The following OPCML variants were observed in gnomAD, a reference collection of about 807,000 sequenced individuals.
OPCML encodes the protein opioid-binding protein/cell adhesion molecule.
OPCML carries 13 observed loss-of-function variants against 37.8 expected under a neutral mutation model. The ratio of observed to expected loss-of-function variants is 0.34; its 90% confidence interval spans 0.22 to 0.55. The LOEUF is 0.55. OPCML is among the 20% of genes least tolerant of loss of function. The probability of loss-of-function intolerance (pLI) is 0.91; values close to 1 mark genes in which losing one functional copy is unlikely to be tolerated. For synonymous variants in OPCML, 176 were observed against 168.8 expected, an observed-to-expected ratio of 1.04 and a Z score of -0.33; for missense variants, 341 against 435.6, an observed-to-expected ratio of 0.78 and a Z score of 1.93.
intron 1 of OPCML, among the ~76,000 whole-genome samples, chr11:133,106,443 G>T (rs1287122706): frequency 3.9e-5 from 6 of 152,232 alleles, no homozygotes; most frequent in Non-Finnish European, 2.9e-5. Flanking sequence ...TTTATCAAAT[G>T]CCTTAGATGG....
intron 3 of OPCML, among the ~76,000 whole-genome samples, chr11:132,644,560 TTCTAAA>T (rs1260060819): frequency 6.6e-6 from 1 of 152,176 alleles, no homozygotes; most frequent in African/African-American, 2.4e-5. Flanking sequence ...CGATATCATC[TTCTAAA>T]GCTGTTTATG....
chr11:132,712,820 A>G (rs1044043830), intron 2 of OPCML, among the ~76,000 whole-genome samples: 15 of 152,202 alleles, frequency 9.9e-5, no homozygotes, highest in Non-Finnish European at 1.6e-4. Flanking sequence ...AGGAGAGGGG[A>G]AATGACATGC....
Position 133,286,322 on chromosome 11 carries a change from A to T in OPCML, c.61+245942T>A, listed in dbSNP as rs555427780. Among the ~76,000 whole-genome samples the T allele has an allele frequency of 8.0e-3, 1,207 of 151,610 alleles. 8 individuals are homozygous for T. The highest frequency in any genetic ancestry group is 0.015 in the African/African-American group (634 of 41,370). On this transcript the variant is annotated intron_variant, in intron 1 of 7. Transcript: ENST00000524381. ...AATAAATAAATAAATAAAAATAAAT[A>T]AGCCGGGCGTGGTGGCGGGCGCCTA...
rs78025820 is a variant in OPCML, at chr11:132,581,386, A to T, written c.380-52200T>A. 3.3e-3 allele frequency among the ~76,000 whole-genome samples: 498 copies of T among 152,344 alleles called. 2 individuals are homozygous for T. Among genetic ancestry groups the T allele is most frequent in the African/African-American group, 0.011 (463 of 41,580 alleles). ...TGCAAAGGACCTAGTCAGGTTCTAT[A>T]GGTGTCAGGCTAACTGCTCTCCTAT... On this transcript the variant is annotated intron_variant, in intron 3 of 7. Coordinates refer to ENST00000524381, the MANE Select transcript of OPCML (RefSeq NM_001012393.5).
At chr11:132,917,479 C>G (rs1944646104) in intron 2 of OPCML, among the ~76,000 whole-genome samples, 1 of 152,220 alleles carries the variant, frequency 6.6e-6, no homozygotes, top group Non-Finnish European at 1.5e-5. Context: ...GGGATTCTTT[C>G]AGGCCCTGAA....
At position 132,724,606 on chromosome 11, in the gene OPCML, C is replaced by T. The variant is rs190530285; in HGVS notation, c.147-67287G>A. Among the ~76,000 whole-genome samples, 9 of 152,286 alleles carry T rather than the reference C, an allele frequency of 5.9e-5. No individual in the cohort carries two copies. In the East Asian group the frequency reaches 7.7e-4, roughly 13 times the overall value. On this transcript the variant is annotated intron_variant, in intron 2 of 7. Coordinates refer to ENST00000524381, the MANE Select transcript of OPCML (RefSeq NM_001012393.5). ...CACATTTCAAAACCAATCATGCCTT[C>T]CCAAGAGTTTCTCAAAGTCTTAACC...
chr11:133,318,986 C>T (rs1943268758), intron 1 of OPCML, among the ~76,000 whole-genome samples: 1 of 150,828 alleles, frequency 6.6e-6, no homozygotes, highest in Admixed American at 6.6e-5. Flanking sequence ...GAGATCACAC[C>T]ACTGCACTCC....
chr11:132,701,532 GT>G (rs1309256951), intron 2 of OPCML, among the ~76,000 whole-genome samples: 3 of 152,078 alleles, frequency 2.0e-5, no homozygotes, highest in Non-Finnish European at 2.9e-5. Flanking sequence ...GCCTATGTTT[GT>G]CTTTAATCTA....
intron 1 of OPCML, among the ~76,000 whole-genome samples, chr11:133,170,322 A>G (rs1288423692): frequency 6.6e-6 from 1 of 152,120 alleles, no homozygotes; most frequent in African/African-American, 2.4e-5. Flanking sequence ...TAAAAATACA[A>G]AAAAATACAA....
chr11:133,367,843 T>TA (rs1944579627), intron 1 of OPCML, among the ~76,000 whole-genome samples: 1 of 152,142 alleles, frequency 6.6e-6, no homozygotes, highest in Non-Finnish European at 1.5e-5. Context: ...AGCACCCCAT[T>TA]AGCCACTTCT....
At chr11:133,493,788 G>A (rs1409431087) in intron 1 of OPCML, among the ~76,000 whole-genome samples, 1 of 152,110 alleles carries the variant, frequency 6.6e-6, no homozygotes, top group Non-Finnish European at 1.5e-5. Context: ...TGTCCTGAAT[G>A]GTAATGCCTA....
At chr11:133,210,226 C>A (rs1254232496) in intron 1 of OPCML, among the ~76,000 whole-genome samples, 4 of 152,128 alleles carry the variant, frequency 2.6e-5, no homozygotes, top group Admixed American at 2.0e-4. Flanking sequence ...CTCTCCAAAG[C>A]CTTTTCACTG....
intron 3 of OPCML, among the ~76,000 whole-genome samples, chr11:132,546,381 C>T (rs1176483289): frequency 6.6e-6 from 1 of 152,164 alleles, no homozygotes; most frequent in African/African-American, 2.4e-5. Flanking sequence ...GTACCCATCA[C>T]CCAAGTAGTA....
intron 2 of OPCML, among the ~76,000 whole-genome samples, chr11:132,927,755 T>C (rs920271120): frequency 6.6e-6 from 1 of 152,038 alleles, no homozygotes; most frequent in Non-Finnish European, 1.5e-5. Context: ...AAACTATACA[T>C]AATAATAAAT....
chr11:133,013,518 G>T (rs962116007), intron 1 of OPCML, among the ~76,000 whole-genome samples: 1 of 152,104 alleles, frequency 6.6e-6, no homozygotes, highest in Non-Finnish European at 1.5e-5. Context: ...TAAGCATAAT[G>T]GTCCACTTGA....
chr11:133,531,353 A>G (rs927117292), intron 1 of OPCML, among the ~76,000 whole-genome samples: 1 of 152,204 alleles, frequency 6.6e-6, no homozygotes. Flanking sequence ...TTTTCCCCAA[A>G]CAAATAACTG....
intron 3 of OPCML, among the ~76,000 whole-genome samples, chr11:132,563,726 C>A (rs1034613748): frequency 2.6e-5 from 4 of 152,152 alleles, no homozygotes; most frequent in Middle Eastern, 6.8e-3. Context: ...TCTGCAGAAG[C>A]CATTTTTACA....
chr11:133,356,139 C>T (rs1166357680), intron 1 of OPCML, among the ~76,000 whole-genome samples: 1 of 152,116 alleles, frequency 6.6e-6, no homozygotes, highest in African/African-American at 2.4e-5. Flanking sequence ...CCAATGCTAT[C>T]TTAAAAATAT....
intron 3 of OPCML, among the ~76,000 whole-genome samples, chr11:132,541,528 T>G (rs891661011): frequency 2.0e-5 from 3 of 152,112 alleles, no homozygotes; most frequent in Non-Finnish European, 4.4e-5. Flanking sequence ...TTTTTTTTTT[T>G]TTTTGCCAGC....
Sources: gnomAD v4.1 joint callset for allele counts (sites outside exome capture counted in the v4.1 genomes callset) on GRCh38, gnomAD v4.1.1 for gene constraint, MANE v1.5 for transcripts, NCBI Gene and HGNC (gene_info 2026-07-23, HGNC 2026-07-21) for gene names.